The following SLC18A1 variants were observed in gnomAD, a reference collection of about 807,000 sequenced individuals.
The protein encoded by SLC18A1 is chromaffin granule amine transporter.
In SLC18A1, 69 loss-of-function variants were observed where a neutral mutation model predicts 53.7. That is an observed-to-expected ratio of 1.28 (90% CI 1.06 to 1.57). The LOEUF (loss-of-function observed/expected upper bound fraction) is 1.57, where lower values mean the gene tolerates loss of function less well. SLC18A1 is among the 40% of genes most tolerant of loss of function. The probability of loss-of-function intolerance (pLI) is 0.00; values close to 1 mark genes in which losing one functional copy is unlikely to be tolerated. For synonymous variants in SLC18A1, 320 were observed against 248.1 expected (o/e 1.29, Z -2.72); for missense variants, 932 against 668.1 (o/e 1.40, Z -4.35).
intron 10 of SLC18A1, among the ~76,000 whole-genome samples, chr8:20,154,085 G>T (rs949913328): frequency 1.1e-4 from 17 of 152,168 alleles, no homozygotes; most frequent in East Asian, 7.7e-4. Context: ...GCCCTCACCA[G>T]AGGCAGATGC....
At chr8:20,171,610 C>T in intron 6 of SLC18A1, 116 bp from the exon 7 acceptor site, 3 of 759,702 alleles carry the variant, frequency 3.9e-6, no homozygotes, top group South Asian at 1.5e-5. Flanking sequence ...CTAAGCTCCA[C>T]CTGAGGCTCT....
rs1186775813 is a variant in SLC18A1 at position 20,181,029 on chromosome 8, A to C, written c.-65T>G. On this transcript the variant is annotated 5_prime_UTR_variant, in exon 2 of 16. Transcript: ENST00000276373. ...TTAGGGAAGGTCCTGTGACAGCTAC[A>C]GGTCTCCTGCAGCCTTTATGGAAGA... 1.5e-5 allele frequency: 23 copies of C among 1,525,376 alleles called. No individual in the cohort carries two copies. Among genetic ancestry groups the C allele is most frequent in the Non-Finnish European group, 1.9e-5 (22 of 1,132,348 alleles). 94.5% of individuals were successfully genotyped at this position (1,525,376 alleles called of 1,614,324 possible).
intron 8 of SLC18A1, among the ~76,000 whole-genome samples, chr8:20,167,134 A>G (rs1476843251): frequency 2.3e-5 from 3 of 131,266 alleles, no homozygotes; most frequent in Non-Finnish European, 5.1e-5. Flanking sequence ...ACTAAATGCC[A>G]AAAAAAAAAA....
intron 2 of SLC18A1, 24 bp from the exon 3 acceptor site, chr8:20,179,508 A>C (rs754262507): frequency 6.3e-7 from 1 of 1,587,980 alleles, no homozygotes; most frequent in Non-Finnish European, 8.6e-7. Context: ...AGGACAGGTG[A>C]TGGGGGCTAA....
rs186536329 is a variant in SLC18A1, at chr8:20,176,600, C to G, written c.547+1835G>C. Among the ~76,000 whole-genome samples the G allele has an allele frequency of 2.5e-4, 38 of 152,182 alleles. No homozygotes were observed. The East Asian group carries it at 7.3e-3, about 29-fold the overall frequency. On this transcript the variant is annotated intron_variant, in intron 4 of 15. Coordinates refer to ENST00000276373, the MANE Select transcript of SLC18A1 (RefSeq NM_003053.4). ...ACTCTTGATTACATTAGGCATGGCT[C>G]CTAGTTGGGGGGTGGAGGGTTTAAG... is the stretch of plus-strand genomic sequence containing the variant.
Position 20,147,379 on chromosome 8 carries a change from C to T in SLC18A1, c.1343G>A (p.Gly448Asp). ...CMGFAIGPST[G>D]GAIVKAIGFP... ...ACCGATGGCCTTTACAATGGCACCA[C>T]CGGTGGATGGACCTGGGAGGGATAC... Residue 448 changes from glycine to aspartate, a missense_variant, in exon 15 of 16, where the codon GGT (glycine) becomes GAT (aspartate). By Grantham distance (94) the Gly-to-Asp change is moderately conservative (BLOSUM62 -1). Coordinates refer to ENST00000276373, the MANE Select transcript of SLC18A1 (RefSeq NM_003053.4). 6.2e-7 allele frequency: 1 copy of T among 1,609,882 alleles called. No individual in the cohort carries two copies. Among genetic ancestry groups the T allele is most frequent in the East Asian group, 2.2e-5 (1 of 44,866 alleles).
Position 20,145,861 on chromosome 8 carries a change from C to A in SLC18A1, c.1480G>T (p.Asp494Tyr). Residue 494 changes from aspartate to tyrosine, a missense_variant, in exon 16 of 16, where the codon GAC becomes TAC. Physicochemically the swap from Asp to Tyr is radical, Grantham distance 160. Transcript: ENST00000276373. ...KEEKLAILSQ[D>Y]CPMETRMYAT... ...TACATCCGGGTCTCCATGGGGCAGT[C>A]CTGACTCAGAATAGCCTGCAGAGAG... The A allele has an allele frequency of 6.2e-7, 1 of 1,607,474 alleles. No homozygotes were observed. Among genetic ancestry groups the A allele is most frequent in the Non-Finnish European group, 8.5e-7 (1 of 1,176,666 alleles).
intron 1 of SLC18A1, among the ~76,000 whole-genome samples, chr8:20,182,323 TATTAAGCGGCTCTTAAAA>T (rs199505999): frequency 0.08 from 12,154 of 152,260 alleles, 601 homozygotes; most frequent in Middle Eastern, 0.19. Flanking sequence ...AATGGTGGAT[TATTAAGCGGCTCTTAAAA>T]ATTATATTTT....
Position 20,181,006 on chromosome 8 carries a change from A to G in SLC18A1, c.-42T>C, listed in dbSNP as rs1276355572. On this transcript the variant is annotated 5_prime_UTR_variant, in exon 2 of 16. Coordinates refer to ENST00000276373, the MANE Select transcript of SLC18A1 (RefSeq NM_003053.4). ...GGGCAGTCTTCCCCTGCGGGCTCTT[A>G]GGGAAGGTCCTGTGACAGCTACAGG... 10 of 1,545,926 alleles carry G rather than the reference A, an allele frequency of 6.5e-6. No individual in the cohort carries two copies. Among genetic ancestry groups the G allele is most frequent in the Non-Finnish European group, 8.7e-6 (10 of 1,143,662 alleles).
chr8:20,176,203 G>T (rs1367704022), intron 4 of SLC18A1, among the ~76,000 whole-genome samples: 1 of 152,092 alleles, frequency 6.6e-6, no homozygotes, highest in Non-Finnish European at 1.5e-5. Context: ...TGGTGAGTGA[G>T]TTCTCACTCT....
At chr8:20,153,098 A>G (rs1042977631) in intron 10 of SLC18A1, among the ~76,000 whole-genome samples, 1 of 152,160 alleles carries the variant, frequency 6.6e-6, no homozygotes, top group Non-Finnish European at 1.5e-5. Context: ...TAAAATAGTC[A>G]TTTTGGAAAA....
chr8:20,151,426 C>T (rs1350053108), intron 10 of SLC18A1, among the ~76,000 whole-genome samples: 2 of 152,068 alleles, frequency 1.3e-5, no homozygotes, highest in East Asian at 3.9e-4. Context: ...GGTTGGGTGC[C>T]ACATACCCAT....
intron 4 of SLC18A1, among the ~76,000 whole-genome samples, chr8:20,176,132 G>A (rs1448529217): frequency 6.6e-6 from 1 of 152,206 alleles, no homozygotes; most frequent in Non-Finnish European, 1.5e-5. Flanking sequence ...ATGGGGCCCA[G>A]TGGAAGGTGT....
At position 20,149,756 on chromosome 8, in the gene SLC18A1, C is replaced by A. The variant is rs749928258; in HGVS notation, c.1095-29G>T. 5.0e-6 allele frequency: 8 copies of A among 1,611,738 alleles called. No homozygotes were observed. The African/African-American group carries it at 8.0e-5, about 16-fold the overall frequency. ...GAAGAAAAAAGCCATCATCAAACACCACTAGGGGAGAGCTCCCCTCCACCT... is the reference window on the plus strand; with the variant it reads ...GAAGAAAAAAGCCATCATCAAACACAACTAGGGGAGAGCTCCCCTCCACCT... On this transcript the variant is annotated intron_variant, in intron 11 of 15. Transcript: ENST00000276373.
At chr8:20,148,740 C>T (rs1255762451) in intron 12 of SLC18A1, among the ~76,000 whole-genome samples, 10 of 152,172 alleles carry the variant, frequency 6.6e-5, no homozygotes. Flanking sequence ...ACACTCACCC[C>T]TTAAGGGTTT....
Position 20,163,407 on chromosome 8 carries a change from C to A in SLC18A1, c.1015+1462G>T, listed in dbSNP as rs545829180. On this transcript the variant is annotated intron_variant, in intron 10 of 15. Coordinates refer to ENST00000276373, the MANE Select transcript of SLC18A1 (RefSeq NM_003053.4). The stretch of plus-strand genomic sequence containing the variant: ...AGGTCAAAGAGGTTAAATAACTTAT[C>A]CGAGGTCACAATCAGTAAGTGACGT... 7.2e-5 allele frequency among the ~76,000 whole-genome samples: 11 copies of A among 152,240 alleles called. No individual in the cohort carries two copies. In the East Asian group the frequency reaches 1.2e-3, roughly 16 times the overall value.
chr8:20,147,338 C>T lies in SLC18A1; in HGVS notation c.1384G>A (p.Val462Ile), dbSNP rs2071426901. The T allele has an allele frequency of 3.1e-6, 5 of 1,613,484 alleles. No homozygotes were observed. Among genetic ancestry groups the T allele is most frequent in the Middle Eastern group, 1.7e-4 (1 of 5,782 alleles). Reference sequence around the variant, plus strand: ...ACGATGTTGATGACCCCAGTGATGACCATGAGCCAGGGAAAACCGATGGCC... The same window carrying T: ...ACGATGTTGATGACCCCAGTGATGATCATGAGCCAGGGAAAACCGATGGCC... The part of the protein sequence containing the change: ...VKAIGFPWLM[V>I]ITGVINIVYA... Residue 462 changes from valine to isoleucine, a missense_variant, in exon 15 of 16, where the codon GTC (valine) becomes ATC (isoleucine). Coordinates refer to ENST00000276373, the MANE Select transcript of SLC18A1 (RefSeq NM_003053.4).
chr8:20,171,914 T>C (rs1727203513), intron 6 of SLC18A1, among the ~76,000 whole-genome samples: 1 of 151,198 alleles, frequency 6.6e-6, no homozygotes, highest in South Asian at 2.1e-4. Context: ...CAGAAAAGAG[T>C]GTGTAGTTGG....
Position 20,149,682 on chromosome 8 carries a change from C to T in SLC18A1, c.1140G>A (p.Leu380=), listed in dbSNP as rs1221478754. ...LIGMLVVGTS[L]LCVPLAHNIF... is the part of the protein sequence containing the mutation. ...CAGGTCTTCTTATACTTACACAGAG[C>T]AAGCTGGTACCTACTACCAGCATCC... The change falls in exon 12 of 16, where the codon TTG becomes TTA. Residue 380 remains leucine, a synonymous_variant. Coordinates refer to ENST00000276373, the MANE Select transcript of SLC18A1 (RefSeq NM_003053.4). 1.2e-6 allele frequency: 2 copies of T among 1,613,224 alleles called. No homozygotes were observed. The highest frequency in any genetic ancestry group is 1.7e-6 in the Non-Finnish European group (2 of 1,179,688).
Sources: gnomAD v4.1 joint callset for allele counts (sites outside exome capture counted in the v4.1 genomes callset) on GRCh38, gnomAD v4.1.1 for gene constraint, MANE v1.5 for transcripts, NCBI Gene and HGNC (gene_info 2026-07-23, HGNC 2026-07-21) for gene names.